Variants in MYSM1 observed in about 807,000 individuals in gnomAD.
MYSM1 encodes deubiquitinase MYSM1.
Under a neutral mutation model 116.0 loss-of-function variants are expected in MYSM1, and 51 were observed. The ratio of observed to expected loss-of-function variants is 0.44; its 90% CI spans 0.35 to 0.56. The LOEUF (loss-of-function observed/expected upper bound fraction) is 0.56, where lower values mean the gene tolerates loss of function less well. Among genes scored for constraint, MYSM1 ranks in the 20% least tolerant of loss-of-function variants. MYSM1 has a pLI of 0.00. For synonymous variants in MYSM1, 313 were observed against 315.2 expected, an observed-to-expected ratio of 0.99 and a Z score of 0.07; for missense variants, 900 against 974.9, an observed-to-expected ratio of 0.92 and a Z score of 1.02.
At chr1:58,696,827 T>G (rs1458930939) in intron 1 of MYSM1, among the ~76,000 whole-genome samples, 1 of 152,160 alleles carries the variant, frequency 6.6e-6, no homozygotes, top group Non-Finnish European at 1.5e-5. Context: ...CAATAAAAAT[T>G]TGTTGGACTA....
intron 8 of MYSM1, among the ~76,000 whole-genome samples, chr1:58,677,418 C>T (rs1485158572): frequency 3.3e-5 from 5 of 152,090 alleles, no homozygotes; most frequent in African/African-American, 1.2e-4. Flanking sequence ...TAGTATTAGA[C>T]GTTTCCAATT....
At chr1:58,692,983 A>G in intron 2 of MYSM1, 52 bp from the exon 3 acceptor site, 1 of 1,427,736 alleles carries the variant, frequency 7.0e-7, no homozygotes, top group East Asian at 2.3e-5. Flanking sequence ...TTTTGAAATT[A>G]TCTTCTGTTT....
intron 7 of MYSM1, among the ~76,000 whole-genome samples, chr1:58,682,819 C>G (rs972554824): frequency 6.6e-6 from 1 of 151,992 alleles, no homozygotes; most frequent in Non-Finnish European, 1.5e-5. Flanking sequence ...CCTCAGCCTC[C>G]CGAATAGCTG....
At chr1:58,668,386 C>A (rs1184387406) in intron 14 of MYSM1, 12 of 1,193,164 alleles carry the variant, frequency 1.0e-5, no homozygotes, top group Non-Finnish European at 1.3e-5. Flanking sequence ...ATATTAGAAA[C>A]TTAAAATAGG....
intron 3 of MYSM1, among the ~76,000 whole-genome samples, chr1:58,691,045 C>G (rs947779408): frequency 6.6e-6 from 1 of 151,778 alleles, no homozygotes; most frequent in Admixed American, 6.6e-5. Flanking sequence ...TTTGGAAGGC[C>G]GAGGCAGGCG....
intron 6 of MYSM1, among the ~76,000 whole-genome samples, chr1:58,685,513 G>T (rs1040124512): frequency 6.6e-6 from 1 of 152,152 alleles, no homozygotes; most frequent in African/African-American, 2.4e-5. Flanking sequence ...TGAAGATATT[G>T]CCTAACTGAA....
rs1443511748 is a variant in MYSM1, at chr1:58,674,217, A to G, written c.1495-567T>C. Among the ~76,000 whole-genome samples the G allele has an allele frequency of 5.9e-5, 9 of 152,320 alleles. No homozygotes were observed. In the East Asian group the frequency reaches 1.5e-3, roughly 26 times the overall value. ...CATCAAGAAAATGGCTTCCTTTTCA[A>G]CCACTTGTGGTAGAAAATCTGCAAG... On this transcript the variant is annotated intron_variant, in intron 10 of 19. Transcript: ENST00000472487.
intron 1 of MYSM1, 86 bp from the exon 2 acceptor site, chr1:58,695,293 G>A: frequency 2.5e-6 from 2 of 795,330 alleles, no homozygotes; most frequent in East Asian, 2.8e-5. Context: ...CCAGCAGGTA[G>A]TAAGGGAACT....
chr1:58,677,176 G>A (rs1260460043), intron 8 of MYSM1, 120 bp from the exon 9 acceptor site: 13 of 803,012 alleles, frequency 1.6e-5, no homozygotes, highest in Admixed American at 5.3e-5. Context: ...ATGTATAAAT[G>A]TGTAATAAAT....
In MYSM1 at chr1:58,659,863, G is replaced by T; in HGVS notation, c.*134C>A. ...CTCTTCCTTTTCACATGATTTATGT[G>T]GCAAAGTTTGGATTTTGTGAAATAG... On this transcript the variant is annotated 3_prime_UTR_variant, in exon 20 of 20. Transcript: ENST00000472487. The T allele has an allele frequency of 1.7e-6, 1 of 600,740 alleles. No individual in the cohort carries two copies. Among genetic ancestry groups the T allele is most frequent in the Non-Finnish European group, 2.7e-6 (1 of 365,764 alleles). 37.2% of individuals were successfully genotyped at this position (600,740 alleles called of 1,614,324 possible).
chr1:58,665,456 T>TA, intron 17 of MYSM1, 43 bp downstream of exon 17: 1 of 1,438,312 alleles, frequency 7.0e-7, no homozygotes, highest in South Asian at 1.3e-5. Context: ...GTCAAAGAAA[T>TA]AAGAGTAGAA....
chr1:58,675,378 A>T, intron 10 of MYSM1, 99 bp downstream of exon 10: 1 of 783,126 alleles, frequency 1.3e-6, no homozygotes, highest in Non-Finnish European at 2.1e-6. Context: ...TTTTTCTACT[A>T]AATGGTCATT....
chr1:58,691,263 G>C (rs1473521608), intron 3 of MYSM1, among the ~76,000 whole-genome samples: 3 of 151,006 alleles, frequency 2.0e-5, no homozygotes, highest in Non-Finnish European at 4.4e-5. Flanking sequence ...CTGGGCGACA[G>C]AGCGAGACTC....
At chr1:58,672,132 A>G (rs76041182) in intron 11 of MYSM1, among the ~76,000 whole-genome samples, 174 bp from the exon 12 acceptor site, 1 of 152,164 alleles carries the variant, frequency 6.6e-6, no homozygotes, top group African/African-American at 2.4e-5. Flanking sequence ...TTTTTAAAAA[A>G]TTGTTTCAAA....
chr1:58,690,281 C>A (rs767318721), intron 4 of MYSM1, 32 bp from the exon 5 acceptor site: 1 of 1,581,038 alleles, frequency 6.3e-7, no homozygotes, highest in Non-Finnish European at 8.6e-7. Context: ...AATAAGGAAG[C>A]GTGTGAGGTT....
At chr1:58,686,968 A>C (rs1327341617) in intron 6 of MYSM1, among the ~76,000 whole-genome samples, 1 of 151,352 alleles carries the variant, frequency 6.6e-6, no homozygotes, top group African/African-American at 2.4e-5. Flanking sequence ...TGTTTCTTAA[A>C]AAAAAAAAAA....
intron 15 of MYSM1, 133 bp from the exon 16 acceptor site, chr1:58,667,359 T>C: frequency 1.7e-6 from 1 of 574,052 alleles, no homozygotes; most frequent in Non-Finnish European, 2.8e-6. Context: ...CAGTTGCCTT[T>C]AACTTGCAAA....
chr1:58,662,000 G>C (rs568553837), intron 17 of MYSM1, among the ~76,000 whole-genome samples: 1 of 151,596 alleles, frequency 6.6e-6, no homozygotes, highest in Non-Finnish European at 1.5e-5. Flanking sequence ...GAAAACTGAA[G>C]CTGAGATACA....
chr1:58,676,138 G>A (rs1368031460), intron 9 of MYSM1, among the ~76,000 whole-genome samples: 1 of 152,146 alleles, frequency 6.6e-6, no homozygotes, highest in Admixed American at 6.6e-5. Flanking sequence ...AAGAGTAGAG[G>A]TCAGGCGCGG....
Sources: allele counts gnomAD v4.1 joint callset (sites outside exome capture counted in the v4.1 genomes callset), GRCh38; gene constraint gnomAD v4.1.1; transcripts MANE v1.5; gene names NCBI Gene and HGNC (gene_info 2026-07-23, HGNC 2026-07-21).